Variants in GABRA2 observed in about 807,000 individuals in gnomAD.
The protein encoded by GABRA2 is gamma-aminobutyric acid receptor subunit alpha-2.
Under a neutral mutation model 48.7 loss-of-function variants are expected in GABRA2, and 16 were observed. The observed-to-expected ratio is 0.33, with a 90% confidence interval of 0.22 to 0.50. The LOEUF (loss-of-function observed/expected upper bound fraction) is 0.50. Among genes scored for constraint, GABRA2 ranks in the 20% least tolerant of loss-of-function variants. The pLI, the probability that GABRA2 is intolerant of heterozygous loss-of-function variation, is 0.98. For missense variants in GABRA2, 275 were observed against 535.6 expected, an observed-to-expected ratio of 0.51 and a Z score of 4.80; for synonymous variants, 185 against 184.5, an observed-to-expected ratio of 1.00 and a Z score of -0.02.
intron 6 of GABRA2, among the ~76,000 whole-genome samples, chr4:46,306,615 C>T (rs755063387): frequency 5.9e-5 from 9 of 152,268 alleles, no homozygotes; most frequent in African/African-American, 1.4e-4. Context: ...AGAACTTCTA[C>T]GCACTTTTAC....
At chr4:46,390,146 G>GC (rs1718068848), upstream of GABRA2, 1 of 763,680 alleles carries the variant, frequency 1.3e-6, no homozygotes. Context: ...GAGGAGTCAG[G>GC]CCGGGTAGGA....
intron 4 of GABRA2, among the ~76,000 whole-genome samples, chr4:46,324,433 A>G (rs1455211963): frequency 6.6e-6 from 1 of 152,010 alleles, no homozygotes; most frequent in Non-Finnish European, 1.5e-5. Flanking sequence ...ATCTAGGCAT[A>G]CAAGTTCTTT....
chr4:46,296,359 C>T (rs556775322), intron 8 of GABRA2, among the ~76,000 whole-genome samples: 1 of 152,160 alleles, frequency 6.6e-6, no homozygotes, highest in South Asian at 2.1e-4. Flanking sequence ...ATCAATGATT[C>T]CTTTGAACTA....
chr4:46,327,485 G>T (rs771394883), intron 4 of GABRA2, among the ~76,000 whole-genome samples: 1 of 151,932 alleles, frequency 6.6e-6, no homozygotes, highest in Non-Finnish European at 1.5e-5. Context: ...CTACATGCTG[G>T]CTTTAAAGGG....
At chr4:46,307,774 T>A (rs997477398) in intron 6 of GABRA2, among the ~76,000 whole-genome samples, 1 of 152,204 alleles carries the variant, frequency 6.6e-6, no homozygotes, top group African/African-American at 2.4e-5. Context: ...ACATGTCTTT[T>A]GAAAAAGCAG....
intron 3 of GABRA2, among the ~76,000 whole-genome samples, chr4:46,384,440 C>G (rs1376365070): frequency 6.6e-6 from 1 of 152,082 alleles, no homozygotes; most frequent in Non-Finnish European, 1.5e-5. Context: ...AAAAAGGATG[C>G]AAGATTTTAC....
At chr4:46,298,498 T>C (rs1725155862) in intron 8 of GABRA2, among the ~76,000 whole-genome samples, 2 of 152,188 alleles carry the variant, frequency 1.3e-5, no homozygotes, top group South Asian at 4.1e-4. Flanking sequence ...TTCTAATTTT[T>C]TGATATCGTT....
At chr4:46,349,758 C>G (rs1401925858) in intron 3 of GABRA2, among the ~76,000 whole-genome samples, 1 of 151,858 alleles carries the variant, frequency 6.6e-6, no homozygotes, top group Non-Finnish European at 1.5e-5. Context: ...GATAGTATCA[C>G]TTTCTTCTTA....
rs16859350 is a variant in GABRA2 at position 46,372,662 on chromosome 4, A to G, written c.187+13412T>C. Among the ~76,000 whole-genome samples the G allele has an allele frequency of 8.5e-3, 1,297 of 152,308 alleles. 16 individuals are homozygous for G. Among genetic ancestry groups the G allele is most frequent in the African/African-American group, 0.029 (1,205 of 41,576 alleles). Reference sequence around the variant, plus strand: ...ACATCCCTAAATGATGAAGGCTACTATGATAATTCTTCTCTTACCTATATT... The same window carrying G: ...ACATCCCTAAATGATGAAGGCTACTGTGATAATTCTTCTCTTACCTATATT... On this transcript the variant is annotated intron_variant, in intron 3 of 9. Transcript: ENST00000381620.
intron 9 of GABRA2, among the ~76,000 whole-genome samples, chr4:46,253,324 T>G (rs1346355160): frequency 2.0e-5 from 3 of 151,346 alleles, no homozygotes; most frequent in Non-Finnish European, 4.4e-5. Context: ...GCAGAGGGAC[T>G]AACCAATCTG....
At chr4:46,362,056 G>A (rs912243276) in intron 3 of GABRA2, among the ~76,000 whole-genome samples, 1 of 152,136 alleles carries the variant, frequency 6.6e-6, no homozygotes, top group Non-Finnish European at 1.5e-5. Context: ...ACTTTGGACT[G>A]CAGACTTTTG....
intron 4 of GABRA2, among the ~76,000 whole-genome samples, chr4:46,314,426 A>G (rs991544940): frequency 1.2e-4 from 19 of 152,118 alleles, no homozygotes; most frequent in African/African-American, 4.3e-4. Context: ...AAATTTACAA[A>G]CAGGAAGTTG....
intron 9 of GABRA2, among the ~76,000 whole-genome samples, chr4:46,255,575 C>G (rs1715652937): frequency 6.6e-6 from 1 of 151,346 alleles, no homozygotes; most frequent in South Asian, 2.1e-4. Flanking sequence ...GTAGAGTAAA[C>G]TATGCTGTTA....
intron 8 of GABRA2, among the ~76,000 whole-genome samples, chr4:46,293,573 T>G (rs1724078922): frequency 6.6e-6 from 1 of 152,182 alleles, no homozygotes; most frequent in African/African-American, 2.4e-5. Flanking sequence ...AGTCAGGCCC[T>G]GGACTCATCC....
chr4:46,284,140 A>G (rs1722078963), intron 8 of GABRA2, among the ~76,000 whole-genome samples: 1 of 152,062 alleles, frequency 6.6e-6, no homozygotes, highest in African/African-American at 2.4e-5. Context: ...ATACAAGTTC[A>G]TAATTCATAT....
intron 4 of GABRA2, among the ~76,000 whole-genome samples, chr4:46,323,485 TC>T (rs1261701889): frequency 2.6e-5 from 4 of 152,036 alleles, no homozygotes; most frequent in Non-Finnish European, 5.9e-5. Flanking sequence ...CATAAATACT[TC>T]ATTGAAAGCA....
chr4:46,328,568 C>T (rs982461257), intron 4 of GABRA2, among the ~76,000 whole-genome samples: 1 of 152,044 alleles, frequency 6.6e-6, no homozygotes, highest in Non-Finnish European at 1.5e-5. Flanking sequence ...GATATCTCCA[C>T]ATCCACTTTG....
At chr4:46,305,197 G>A (rs976744561) in intron 7 of GABRA2, among the ~76,000 whole-genome samples, 1 of 145,612 alleles carries the variant, frequency 6.9e-6, no homozygotes, top group Admixed American at 7.1e-5. Context: ...CTCACTCATA[G>A]GTGGGAATTG....
chr4:46,378,249 G>C (rs553793583), intron 3 of GABRA2, among the ~76,000 whole-genome samples: 5 of 152,320 alleles, frequency 3.3e-5, no homozygotes, highest in African/African-American at 1.2e-4. Context: ...CTGAGAAATC[G>C]GATGGTTGCC....
Sources: allele counts gnomAD v4.1 joint callset (sites outside exome capture counted in the v4.1 genomes callset), GRCh38; gene constraint gnomAD v4.1.1; transcripts MANE v1.5; gene names NCBI Gene and HGNC (gene_info 2026-07-23, HGNC 2026-07-21).